Variants in PRPSAP2 observed in about 807,000 individuals in gnomAD.
The protein encoded by PRPSAP2 is phosphoribosyl pyrophosphate synthetase associated protein 2, also known as phosphoribosyl pyrophosphate synthase-associated protein 2.
In PRPSAP2, 24 loss-of-function variants were observed where a neutral mutation model predicts 40.6. The observed-to-expected ratio is 0.59, with a 90% confidence interval of 0.43 to 0.83. PRPSAP2 has a LOEUF of 0.83. PRPSAP2 is among the 40% of genes least tolerant of loss of function. PRPSAP2 has a pLI of 0.00. For missense variants in PRPSAP2, 292 were observed against 465.6 expected, an observed-to-expected ratio of 0.63 and a Z score of 3.43; for synonymous variants, 149 against 164.7, an observed-to-expected ratio of 0.90 and a Z score of 0.73.
intron 7 of PRPSAP2, among the ~76,000 whole-genome samples, chr17:18,885,402 A>C (rs1255686701): frequency 1.5e-5 from 2 of 135,624 alleles, no homozygotes; most frequent in Non-Finnish European, 3.1e-5. Context: ...ATTCCTTCTC[A>C]CAAAAAAAAA....
At chr17:18,870,947 A>G (rs1448784094) in intron 4 of PRPSAP2, among the ~76,000 whole-genome samples, 3 of 152,004 alleles carry the variant, frequency 2.0e-5, no homozygotes, top group African/African-American at 7.3e-5. Flanking sequence ...CACCGCACCC[A>G]GCCCAACAAC....
At chr17:18,903,041 G>T (rs2040377144) in intron 8 of PRPSAP2, among the ~76,000 whole-genome samples, 1 of 152,090 alleles carries the variant, frequency 6.6e-6, no homozygotes, top group South Asian at 2.1e-4. Flanking sequence ...CTCTTTGACT[G>T]GTAGGTCAGT....
At chr17:18,900,506 T>A (rs2040200056) in intron 8 of PRPSAP2, among the ~76,000 whole-genome samples, 1 of 152,208 alleles carries the variant, frequency 6.6e-6, no homozygotes, top group African/African-American at 2.4e-5. Context: ...AATTGTCTTT[T>A]TTCATTCATA....
intron 8 of PRPSAP2, among the ~76,000 whole-genome samples, chr17:18,905,245 C>G (rs932915407): frequency 6.6e-6 from 1 of 152,112 alleles, no homozygotes; most frequent in Non-Finnish European, 1.5e-5. Context: ...AGGCTGGTCT[C>G]AAACTCCTGA....
chr17:18,893,153 CT>C (rs71355574), intron 8 of PRPSAP2, among the ~76,000 whole-genome samples: 8,276 of 124,826 alleles, frequency 0.066, 139 homozygotes, highest in Non-Finnish European at 0.075. Flanking sequence ...TTCAATTTAT[CT>C]TTTTTTTTTT....
At chr17:18,881,124 G>A (rs1232314361) in intron 6 of PRPSAP2, among the ~76,000 whole-genome samples, 1 of 151,424 alleles carries the variant, frequency 6.6e-6, no homozygotes, top group Non-Finnish European at 1.5e-5. Context: ...GTGAGCCATC[G>A]CACCTGACCA....
chr17:18,865,601 C>T, intron 2 of PRPSAP2, 37 bp downstream of exon 2: 1 of 213,838 alleles, frequency 4.7e-6, no homozygotes, highest in Non-Finnish European at 9.1e-6. Context: ...TTGTGAACAT[C>T]ATGTGATAAT....
chr17:18,901,380 G>A (rs1035036196), intron 8 of PRPSAP2, among the ~76,000 whole-genome samples: 4 of 151,946 alleles, frequency 2.6e-5, no homozygotes, highest in African/African-American at 9.7e-5. Context: ...ACCTTTTAGT[G>A]TCTTCTCATT....
intron 9 of PRPSAP2, among the ~76,000 whole-genome samples, chr17:18,912,263 C>T (rs888204343): frequency 6.6e-6 from 1 of 152,206 alleles, no homozygotes; most frequent in Middle Eastern, 3.4e-3. Flanking sequence ...CTTCTTGCTG[C>T]ATCCTCATGT....
intron 8 of PRPSAP2, among the ~76,000 whole-genome samples, chr17:18,902,733 G>T (rs919997516): frequency 1.6e-4 from 25 of 151,944 alleles, no homozygotes; most frequent in African/African-American, 5.8e-4. Flanking sequence ...GCGGGGCATG[G>T]TGGCGCACGC....
At chr17:18,889,743 C>A in intron 7 of PRPSAP2, 79 bp from the exon 8 acceptor site, 1 of 1,167,598 alleles carries the variant, frequency 8.6e-7, no homozygotes, top group Non-Finnish European at 1.2e-6. Flanking sequence ...AAACTTTCAA[C>A]TAGCCAAGCA....
Position 18,865,908 on chromosome 17 carries a change from A to T in PRPSAP2, c.75A>T (p.Ala25=), listed in dbSNP as rs751673894. The change falls in exon 3 of 12, where the codon GCA becomes GCT. Residue 25 remains alanine (A), a synonymous_variant. Transcript: ENST00000268835. ...ITKGGLVLFS[A]NSNSSCMELS... is the part of the protein sequence containing the mutation. ...AAGGTGGTCTGGTGTTGTTTTCAGC[A>T]AACTCGAATTCATCATGTATGGAGC... 22 of 1,541,642 alleles carry T rather than the reference A, an allele frequency of 1.4e-5. No homozygotes were observed. Among genetic ancestry groups the T allele is most frequent in the Non-Finnish European group, 1.9e-5 (22 of 1,135,008 alleles).
In PRPSAP2 at chr17:18,877,836, C is replaced by G. The variant is rs373140759; in HGVS notation, c.378C>G (p.Val126=). 6.2e-7 allele frequency: 1 copy of G among 1,612,622 alleles called. No individual in the cohort carries two copies. The highest frequency in any genetic ancestry group is 1.1e-5 in the South Asian group (1 of 90,738). The change falls in exon 6 of 12, where the codon GTC becomes GTG. Residue 126 remains valine (V), a synonymous_variant. Coordinates refer to ENST00000268835, the MANE Select transcript of PRPSAP2 (RefSeq NM_002767.4). ...QCKMRKRGSI[V]SKLLASMMCK... ...AGATGAGAAAAAGAGGCTCCATTGTCTCTAAATTGCTGGCTTCCATGATGT... is the reference window on the plus strand; with the variant it reads ...AGATGAGAAAAAGAGGCTCCATTGTGTCTAAATTGCTGGCTTCCATGATGT...
At chr17:18,869,240 A>C (rs775095355) in intron 4 of PRPSAP2, among the ~76,000 whole-genome samples, 4 of 152,192 alleles carry the variant, frequency 2.6e-5, no homozygotes, top group Non-Finnish European at 4.4e-5. Flanking sequence ...CCAGATACTG[A>C]AAAACTGAGT....
chr17:18,929,049 C>T lies in PRPSAP2; in HGVS notation c.951+92C>T, dbSNP rs569964249. The T allele has an allele frequency of 4.0e-6, 6 of 1,505,814 alleles. No individual in the cohort carries two copies. The East Asian group carries it at 6.9e-5, about 17-fold the overall frequency. The allele number at this position is 1,505,814 out of a possible 1,614,324, so 93.3% of individuals were successfully genotyped here. On this transcript the variant is annotated intron_variant, in intron 11 of 11. Transcript: ENST00000268835. ...CAGAGAGTCAGGACAAGACTGAGAT[C>T]TTTTGTGGCTGAGAAACGATTCAAG...
intron 5 of PRPSAP2, among the ~76,000 whole-genome samples, chr17:18,873,836 C>T (rs529002385): frequency 2.0e-5 from 3 of 151,958 alleles, no homozygotes. Context: ...ATAGAAGATT[C>T]AATGCAGCAA....
chr17:18,899,972 C>T (rs9900377), intron 8 of PRPSAP2, among the ~76,000 whole-genome samples: 1,844 of 152,276 alleles, frequency 0.012, 36 homozygotes, highest in African/African-American at 0.042. Flanking sequence ...CTGCAACCTC[C>T]GCTCCCTGGG....
At chr17:18,858,891 G>T (rs1299512317) in intron 1 of PRPSAP2, among the ~76,000 whole-genome samples, 7 of 151,996 alleles carry the variant, frequency 4.6e-5, no homozygotes, top group Non-Finnish European at 7.4e-5. Context: ...AAATTTAATT[G>T]CACAAATAGA....
In PRPSAP2 at chr17:18,869,523, T is replaced by TA. The variant is rs2037686781; in HGVS notation, c.172+2190dup. 2.0e-5 allele frequency among the ~76,000 whole-genome samples: 3 copies of TA among 148,618 alleles called. No individual in the cohort carries two copies. In the South Asian group the frequency reaches 6.4e-4, roughly 32 times the overall value. On this transcript the variant is annotated intron_variant, in intron 4 of 11. Transcript: ENST00000268835. The stretch of plus-strand genomic sequence containing the variant: ...AGGCTATTTTTTTTTTTTTTTTAAA[T>TA]ATGGAGTCTTGCTCTGTCACCCAGG...
Sources: gnomAD v4.1 joint callset for allele counts (sites outside exome capture counted in the v4.1 genomes callset) on GRCh38, gnomAD v4.1.1 for gene constraint, MANE v1.5 for transcripts, NCBI Gene and HGNC (gene_info 2026-07-23, HGNC 2026-07-21) for gene names.